The following SYT1 variants were observed in gnomAD, a reference collection of about 807,000 sequenced individuals.
SYT1 encodes synaptotagmin-1.
In SYT1, 8 loss-of-function variants were observed where a neutral mutation model predicts 44.8. The ratio of observed to expected loss-of-function variants is 0.18; its 90% confidence interval spans 0.10 to 0.32. The LOEUF (loss-of-function observed/expected upper bound fraction) is 0.32. SYT1 is among the 10% of genes least tolerant of loss of function. SYT1 has a pLI of 1.00. For synonymous variants in SYT1, 154 were observed against 188.8 expected, an observed-to-expected ratio of 0.82 and a Z score of 1.51; for missense variants, 286 against 509.3, an observed-to-expected ratio of 0.56 and a Z score of 4.22.
chr12:79,355,476 G>A (rs539896875), intron 9 of SYT1, among the ~76,000 whole-genome samples: 2 of 152,268 alleles, frequency 1.3e-5, no homozygotes, highest in East Asian at 3.9e-4. Flanking sequence ...CCTGGAAGGA[G>A]TTTAATTATT....
At chr12:79,110,561 C>G (rs1180160544) in intron 3 of SYT1, among the ~76,000 whole-genome samples, 3 of 152,122 alleles carry the variant, frequency 2.0e-5, no homozygotes, top group Non-Finnish European at 2.9e-5. Context: ...CATTCTAAAA[C>G]TAATTATTGA....
intron 9 of SYT1, among the ~76,000 whole-genome samples, chr12:79,442,545 G>A (rs937295334): frequency 5.3e-5 from 8 of 152,110 alleles, no homozygotes; most frequent in African/African-American, 1.7e-4. Flanking sequence ...AGTCTCTGGG[G>A]TAGTGGGAAA....
intron 3 of SYT1, among the ~76,000 whole-genome samples, chr12:79,052,683 A>G (rs1246544053): frequency 1.3e-5 from 2 of 152,192 alleles, no homozygotes; most frequent in Non-Finnish European, 2.9e-5. Context: ...AACCCCATCA[A>G]AAAGTGGGTG....
At position 79,388,645 on chromosome 12, in the gene SYT1, C is replaced by T. The variant is rs73354770; in HGVS notation, c.928+35026C>T. On this transcript the variant is annotated intron_variant, in intron 9 of 10. Coordinates refer to ENST00000261205, the MANE Select transcript of SYT1 (RefSeq NM_005639.3). ...AGGATCACTTGAGCCAGGGATGTGG[C>T]GGTTGCAATGAGCCAGGATCGTACC... 4.9e-3 allele frequency among the ~76,000 whole-genome samples: 740 copies of T among 152,134 alleles called. 7 individuals carry two copies. Among genetic ancestry groups the T allele is most frequent in the African/African-American group, 0.017 (704 of 41,500 alleles).
chr12:78,906,286 G>A (rs1462927), intron 1 of SYT1, among the ~76,000 whole-genome samples: 84,492 of 151,770 alleles, frequency 0.56, 23,776 homozygotes, highest in Admixed American at 0.65. Context: ...CAAAAAGTAG[G>A]AAGATGTTCT....
At chr12:78,956,651 G>C (rs1297930426) in intron 1 of SYT1, among the ~76,000 whole-genome samples, 1 of 151,866 alleles carries the variant, frequency 6.6e-6, no homozygotes, top group Non-Finnish European at 1.5e-5. Context: ...TATTTTAGTA[G>C]CCAATTACTC....
chr12:78,873,500 A>C (rs1479246942), intron 1 of SYT1, among the ~76,000 whole-genome samples: 1 of 151,678 alleles, frequency 6.6e-6, no homozygotes, highest in East Asian at 1.9e-4. Context: ...TCACTAGGCT[A>C]AGTTGGCCTT....
intron 3 of SYT1, among the ~76,000 whole-genome samples, chr12:79,102,048 G>T (rs1878475177): frequency 6.6e-6 from 1 of 152,120 alleles, no homozygotes; most frequent in Non-Finnish European, 1.5e-5. Flanking sequence ...TCCTAAAGAT[G>T]CTTTAATAGA....
chr12:78,929,232 C>A (rs1877479577), intron 1 of SYT1, among the ~76,000 whole-genome samples: 1 of 150,660 alleles, frequency 6.6e-6, no homozygotes, highest in Non-Finnish European at 1.5e-5. Flanking sequence ...TGAAACTCCG[C>A]CTCTACTAGA....
chr12:78,967,237 G>A (rs1168687302), intron 1 of SYT1, among the ~76,000 whole-genome samples: 1 of 152,132 alleles, frequency 6.6e-6, no homozygotes, highest in African/African-American at 2.4e-5. Flanking sequence ...AAGCTGACAT[G>A]TATACAATCA....
intron 9 of SYT1, among the ~76,000 whole-genome samples, chr12:79,401,827 G>A (rs543480010): frequency 6.6e-6 from 1 of 151,886 alleles, no homozygotes; most frequent in East Asian, 1.9e-4. Context: ...GAGCCACCAT[G>A]TCCGGCTAAT....
chr12:79,280,366 T>C (rs766600456), intron 4 of SYT1, among the ~76,000 whole-genome samples: 11 of 152,136 alleles, frequency 7.2e-5, no homozygotes, highest in Non-Finnish European at 1.5e-4. Context: ...AGCCAACTGA[T>C]CTTCAACAAA....
intron 2 of SYT1, among the ~76,000 whole-genome samples, chr12:78,986,454 A>G (rs892775808): frequency 3.3e-5 from 5 of 151,898 alleles, no homozygotes; most frequent in Non-Finnish European, 5.9e-5. Flanking sequence ...TTTAGCTAAC[A>G]TATTTTACTA....
chr12:79,206,088 A>G (rs1474588557), intron 3 of SYT1, among the ~76,000 whole-genome samples: 1 of 152,222 alleles, frequency 6.6e-6, no homozygotes, highest in African/African-American at 2.4e-5. Flanking sequence ...GTATTAAAAG[A>G]TTATTTAGAC....
intron 9 of SYT1, among the ~76,000 whole-genome samples, chr12:79,361,046 C>G (rs566087980): frequency 6.6e-6 from 1 of 152,118 alleles, no homozygotes; most frequent in African/African-American, 2.4e-5. Context: ...CCAAAAACTC[C>G]TAAGTAGATT....
chr12:79,064,176 A>AAGAAAGGG (rs1489769793), intron 3 of SYT1, among the ~76,000 whole-genome samples: 2 of 152,276 alleles, frequency 1.3e-5, no homozygotes, highest in African/African-American at 4.8e-5. Context: ...ATGAGGAATG[A>AAGAAAGGG]AGAAAGGGAG....
intron 9 of SYT1, among the ~76,000 whole-genome samples, chr12:79,384,682 G>A (rs538069665): frequency 1.3e-5 from 2 of 152,274 alleles, no homozygotes; most frequent in East Asian, 3.9e-4. Flanking sequence ...ACCATCCACT[G>A]ACAGCCAAAA....
intron 9 of SYT1, among the ~76,000 whole-genome samples, chr12:79,356,007 A>T (rs1274072888): frequency 6.6e-6 from 1 of 152,044 alleles, no homozygotes; most frequent in Admixed American, 6.5e-5. Context: ...AGGAAGTAGG[A>T]TAAGGAATAT....
chr12:79,035,438 C>CT (rs1462664070), intron 2 of SYT1, among the ~76,000 whole-genome samples: 4 of 151,662 alleles, frequency 2.6e-5, no homozygotes, highest in African/African-American at 4.8e-5. Context: ...TTGGCTTCTC[C>CT]TTTTTATGAA....
Sources: gnomAD v4.1 joint callset for allele counts (sites outside exome capture counted in the v4.1 genomes callset) on GRCh38, gnomAD v4.1.1 for gene constraint, MANE v1.5 for transcripts, NCBI Gene and HGNC (gene_info 2026-07-23, HGNC 2026-07-21) for gene names.